ARID3B: variants seen among roughly 807,000 people sequenced by gnomAD.
The protein encoded by ARID3B is AT-rich interactive domain-containing protein 3B.
Under a neutral mutation model 51.9 loss-of-function variants are expected in ARID3B, and 10 were observed. The observed-to-expected ratio is 0.19, with a 90% confidence interval of 0.12 to 0.33. ARID3B has a LOEUF of 0.33. Ranked by LOEUF, ARID3B falls within the 10% of genes least tolerant of loss-of-function variation. The probability of loss-of-function intolerance (pLI) is 1.00; values close to 1 mark genes in which losing one functional copy is unlikely to be tolerated. For synonymous variants in ARID3B, 205 were observed against 279.5 expected (o/e 0.73, Z 2.66); for missense variants, 483 against 716.3 (o/e 0.67, Z 3.72).
At chr15:74,556,357 G>T (rs890360925) in intron 2 of ARID3B, among the ~76,000 whole-genome samples, 2 of 152,192 alleles carry the variant, frequency 1.3e-5, no homozygotes, top group African/African-American at 4.8e-5. Flanking sequence ...TTATATGGGT[G>T]TGATTCTAGG....
intron 2 of ARID3B, among the ~76,000 whole-genome samples, chr15:74,550,368 A>G (rs1216900541): frequency 6.6e-6 from 1 of 152,114 alleles, no homozygotes; most frequent in Non-Finnish European, 1.5e-5. Flanking sequence ...TTAAATCAGC[A>G]TTGGTTTTGG....
chr15:74,574,635 T>C (rs910046455), intron 4 of ARID3B: 4 of 152,162 alleles, frequency 2.6e-5, no homozygotes, highest in African/African-American at 9.7e-5. Context: ...TCTAAGCCCA[T>C]CAAAGCAATC....
chr15:74,572,814 C>CT (rs2061723755), intron 2 of ARID3B, 48 bp from the exon 3 acceptor site: 1 of 1,584,366 alleles, frequency 6.3e-7, no homozygotes, highest in African/African-American at 1.3e-5. Flanking sequence ...TGTCCTAACT[C>CT]TTTCTCTTCC....
At chr15:74,552,084 C>T (rs1429124846) in intron 2 of ARID3B, among the ~76,000 whole-genome samples, 5 of 105,560 alleles carry the variant, frequency 4.7e-5, no homozygotes, top group Non-Finnish European at 8.7e-5. Flanking sequence ...TTTTCTGAGA[C>T]GGAGTCTCGC....
intron 5 of ARID3B, among the ~76,000 whole-genome samples, chr15:74,590,617 C>G (rs1048594923): frequency 1.1e-4 from 16 of 152,188 alleles, no homozygotes; most frequent in Admixed American, 1.3e-4. Context: ...TTCTGGAACA[C>G]TCTGGAAGTT....
At chr15:74,595,485 C>T (rs1596266744) in intron 8 of ARID3B, 126 bp from the exon 9 acceptor site, 1 of 1,055,466 alleles carries the variant, frequency 9.5e-7, no homozygotes, top group Non-Finnish European at 1.3e-6. Flanking sequence ...CTCCCATCAC[C>T]CCCTAGCACA....
intron 2 of ARID3B, among the ~76,000 whole-genome samples, chr15:74,551,057 A>G (rs1220594872): frequency 6.6e-6 from 1 of 152,214 alleles, no homozygotes. Context: ...ACCCACATAT[A>G]TTAAAAGTCA....
intron 2 of ARID3B, among the ~76,000 whole-genome samples, chr15:74,571,954 C>CA (rs2061720555): frequency 6.6e-6 from 1 of 151,986 alleles, no homozygotes; most frequent in African/African-American, 2.4e-5. Flanking sequence ...AAATACCAAA[C>CA]AAAAATTAGC....
chr15:74,543,834 CTTTG>C, intron 1 of ARID3B, 22 bp from the exon 2 acceptor site: 1 of 1,451,666 alleles, frequency 6.9e-7, no homozygotes, highest in South Asian at 1.4e-5. Flanking sequence ...CCCCCTCCTT[CTTTG>C]TGGTTTCTGT....
At chr15:74,550,621 G>T (rs546897862) in intron 2 of ARID3B, among the ~76,000 whole-genome samples, 46 of 151,942 alleles carry the variant, frequency 3.0e-4, no homozygotes, top group Admixed American at 3.0e-3. Context: ...GCAGGAGAGT[G>T]GCATGAACCC....
intron 8 of ARID3B, among the ~76,000 whole-genome samples, chr15:74,595,230 C>T (rs1325123770): frequency 6.6e-6 from 1 of 152,102 alleles, no homozygotes; most frequent in African/African-American, 2.4e-5. Flanking sequence ...AGAGACAAGG[C>T]TCTTGCTGTA....
intron 2 of ARID3B, among the ~76,000 whole-genome samples, chr15:74,559,586 C>T (rs1289333671): frequency 6.6e-6 from 1 of 152,116 alleles, no homozygotes; most frequent in African/African-American, 2.4e-5. Flanking sequence ...AGCTTGTGGT[C>T]TCACAGTTGG....
intron 4 of ARID3B, among the ~76,000 whole-genome samples, chr15:74,581,038 C>G (rs970806611): frequency 6.6e-6 from 1 of 152,194 alleles, no homozygotes; most frequent in African/African-American, 2.4e-5. Flanking sequence ...TTGGGAGACA[C>G]AGGAGGCACC....
At position 74,591,842 on chromosome 15, in the gene ARID3B, C is replaced by G; in HGVS notation, c.1420+28C>G. 6.2e-7 allele frequency: 1 copy of G among 1,602,196 alleles called. No homozygotes were observed. The highest frequency in any genetic ancestry group is 1.1e-5 in the South Asian group (1 of 89,932). On this transcript the variant is annotated intron_variant, in intron 7 of 8. Transcript: ENST00000346246. This position sits in a 1 kb window ranked among gnomAD's most constrained non-coding sequence, Gnocchi z 5.8. Reference sequence around the variant, plus strand: ...GAGCCAGGCTCAGGGCCGGGCCTTCCCTTCCTGGAAACCCCAAGCCCATTC... The same window carrying G: ...GAGCCAGGCTCAGGGCCGGGCCTTCGCTTCCTGGAAACCCCAAGCCCATTC...
chr15:74,571,618 G>A (rs1365853436), intron 2 of ARID3B, among the ~76,000 whole-genome samples: 1 of 152,168 alleles, frequency 6.6e-6, no homozygotes, highest in Non-Finnish European at 1.5e-5. Context: ...GGTGTGCCAG[G>A]CAATGTGCTA....
At position 74,597,499 on chromosome 15, in the gene ARID3B, A is replaced by G; in HGVS notation, c.*1725A>G. The G allele has an allele frequency of 1.9e-6, 1 of 533,396 alleles. No homozygotes were observed. The highest frequency in any genetic ancestry group is 2.2e-5 in the Admixed American group (1 of 44,598). 33.0% of individuals were successfully genotyped at this position (533,396 alleles called of 1,614,324 possible). ...CAGCCCTCCACACACACTCACCCCC[A>G]CTCCCACACACATACACACACACAC... On this transcript the variant is annotated 3_prime_UTR_variant, in exon 9 of 9. Transcript: ENST00000346246.
At chr15:74,555,687 A>G (rs1221993217) in intron 2 of ARID3B, among the ~76,000 whole-genome samples, 1 of 151,806 alleles carries the variant, frequency 6.6e-6, no homozygotes, top group East Asian at 1.9e-4. Context: ...GATGACACCT[A>G]GAACAGTGAA....
chr15:74,556,186 A>G (rs746760635), intron 2 of ARID3B, among the ~76,000 whole-genome samples: 12 of 152,144 alleles, frequency 7.9e-5, no homozygotes, highest in Non-Finnish European at 1.3e-4. Context: ...TCATTTGAAT[A>G]CTTAGAGGTC....
rs201459167 is a variant in ARID3B, at chr15:74,595,646, A to T, written c.1555A>T (p.Ile519Phe). The change falls in exon 9 of 9, where the codon ATC (isoleucine) becomes TTC (phenylalanine). Residue 519 changes from isoleucine (I) to phenylalanine (F), a missense_variant. Physicochemically the swap from Ile to Phe is conservative, Grantham distance 21 (BLOSUM62 0). This residue lies in a region of ARID3B where 265 missense variants were observed against 354.4 expected (regional missense o/e 0.75). Transcript: ENST00000346246. ...TGCCCAGAAGCCTGTGGTCCACCTC[A>T]TCACGGGGTCTGCTCCCCAGAGCCT... is the stretch of plus-strand genomic sequence containing the variant. Reference protein sequence around the residue: ...LFAQKPVVHLITGSAPQSLGS... With the variant: ...LFAQKPVVHLFTGSAPQSLGS... 1.2e-5 allele frequency: 20 copies of T among 1,613,114 alleles called. No individual in the cohort carries two copies. Among genetic ancestry groups the T allele is most frequent in the Non-Finnish European group, 3.4e-6 (4 of 1,179,548 alleles).
Sources: gnomAD v4.1 joint callset for allele counts (sites outside exome capture counted in the v4.1 genomes callset) on GRCh38, gnomAD v4.1.1 for gene constraint, gnomAD v4.1.1 regional missense constraint, Gnocchi (gnomAD v3.1) non-coding constraint, MANE v1.5 for transcripts, NCBI Gene and HGNC (gene_info 2026-07-23, HGNC 2026-07-21) for gene names.